Variants in PDK1 observed in about 807,000 individuals in gnomAD.
The protein encoded by PDK1 is pyruvate dehydrogenase kinase 1.
In PDK1, 39 loss-of-function variants were observed where a neutral mutation model predicts 54.2. That is an observed-to-expected ratio of 0.72 (90% confidence interval 0.56 to 0.94). PDK1 has a LOEUF of 0.94. Ranked by LOEUF, PDK1 falls within the 40% of genes least tolerant of loss-of-function variation. The pLI is 0.00. For missense variants in PDK1, 552 were observed against 566.0 expected, an observed-to-expected ratio of 0.98 and a Z score of 0.25; for synonymous variants, 221 against 207.1, an observed-to-expected ratio of 1.07 and a Z score of -0.58.
intron 8 of PDK1, among the ~76,000 whole-genome samples, chr2:172,576,527 C>T (rs1040478491): frequency 6.6e-6 from 1 of 150,938 alleles, no homozygotes; most frequent in African/African-American, 2.4e-5. Flanking sequence ...AATTTCCTTC[C>T]TTCTGCTTGC....
At chr2:172,614,696 C>G in the PDK1 span, among the ~76,000 whole-genome samples, 1 of 152,270 alleles carries the variant, frequency 6.6e-6, no homozygotes, top group East Asian at 1.9e-4. Context: ...CTGAGCTGTT[C>G]CAACACAATA....
At chr2:172,565,446 G>T (rs1688883736) in intron 5 of PDK1, among the ~76,000 whole-genome samples, 2 of 152,244 alleles carry the variant, frequency 1.3e-5, no homozygotes, top group South Asian at 4.2e-4. Flanking sequence ...CGGGATTACA[G>T]ATGCTCAACA....
chr2:172,694,180 G>T, the PDK1 span, among the ~76,000 whole-genome samples: 5 of 152,146 alleles, frequency 3.3e-5, no homozygotes, highest in Non-Finnish European at 7.3e-5. Context: ...GAGTAAAGAC[G>T]TTAGGATCCA....
chr2:172,622,769 G>GAT, the PDK1 span, among the ~76,000 whole-genome samples: 12 of 146,438 alleles, frequency 8.2e-5, no homozygotes, highest in Middle Eastern at 4.2e-3. Flanking sequence ...CATTATGTGA[G>GAT]ATGTTTATAT....
chr2:172,583,050 T>A (rs1323516113), intron 8 of PDK1, among the ~76,000 whole-genome samples: 1 of 152,170 alleles, frequency 6.6e-6, no homozygotes, highest in African/African-American at 2.4e-5. Flanking sequence ...CTTTTTATCT[T>A]AGTATCTATT....
chr2:172,704,219 G>A, the PDK1 span, among the ~76,000 whole-genome samples: 2 of 152,064 alleles, frequency 1.3e-5, no homozygotes, highest in African/African-American at 2.4e-5. Flanking sequence ...ACACTCCAAC[G>A]GCTCCTGGCA....
At chr2:172,557,771 G>A (rs1027837831) in intron 1 of PDK1, among the ~76,000 whole-genome samples, 2 of 151,136 alleles carry the variant, frequency 1.3e-5, no homozygotes, top group Admixed American at 6.6e-5. Context: ...CACCATGCCC[G>A]GACTGCACTT....
chr2:172,664,211 T>C, the PDK1 span, among the ~76,000 whole-genome samples: 6 of 143,616 alleles, frequency 4.2e-5, no homozygotes, highest in African/African-American at 1.6e-4. Flanking sequence ...CTCGGGAGGC[T>C]GAGGTGGGAG....
At chr2:172,642,283 G>T in the PDK1 span, among the ~76,000 whole-genome samples, 1 of 152,164 alleles carries the variant, frequency 6.6e-6, no homozygotes, top group African/African-American at 2.4e-5. Flanking sequence ...TGTGCAAATG[G>T]CTTACACTGT....
chr2:172,590,344 G>A (rs35999155), intron 9 of PDK1, among the ~76,000 whole-genome samples: 20,804 of 152,056 alleles, frequency 0.14, 1,606 homozygotes, highest in African/African-American at 0.19. Context: ...ATGAAGCTGC[G>A]GACCCTCATG....
chr2:172,703,529 C>T, the PDK1 span, among the ~76,000 whole-genome samples: 1 of 152,070 alleles, frequency 6.6e-6, no homozygotes, highest in Non-Finnish European at 1.5e-5. Context: ...AATCTGCTAT[C>T]ATAAGTAATT....
chr2:172,663,093 T>C, the PDK1 span, among the ~76,000 whole-genome samples: 2 of 152,224 alleles, frequency 1.3e-5, no homozygotes, highest in Non-Finnish European at 2.9e-5. Flanking sequence ...CAGAAATGTA[T>C]TTCCTCACCA....
the PDK1 span, among the ~76,000 whole-genome samples, chr2:172,616,368 C>T: frequency 2.0e-5 from 3 of 152,138 alleles, no homozygotes; most frequent in Non-Finnish European, 4.4e-5. Context: ...CGAAATACAG[C>T]AGTTAATGAA....
Position 172,561,604 on chromosome 2 carries a change from C to A in PDK1, c.339-616C>A, listed in dbSNP as rs144218296. ...GCAAGACCATCAGAAAATCATTTGG[C>A]CTTCTCTATTTTGCTCATTCCTTAA... On this transcript the variant is annotated intron_variant, in intron 2 of 10. Coordinates refer to ENST00000282077, the MANE Select transcript of PDK1 (RefSeq NM_002610.5). Among the ~76,000 whole-genome samples, 1,149 of 152,302 alleles carry A rather than the reference C, an allele frequency of 7.5e-3. 20 individuals carry two copies. The highest frequency in any genetic ancestry group is 0.026 in the African/African-American group (1,076 of 41,554).
chr2:172,638,625 G>A, the PDK1 span, among the ~76,000 whole-genome samples: 2 of 152,304 alleles, frequency 1.3e-5, no homozygotes, highest in East Asian at 3.9e-4. Flanking sequence ...TCTGGGTCGG[G>A]TGGGGACTTG....
the PDK1 span, among the ~76,000 whole-genome samples, chr2:172,719,073 A>G: frequency 6.6e-6 from 1 of 152,190 alleles, no homozygotes; most frequent in Non-Finnish European, 1.5e-5. Context: ...TTAGATCATT[A>G]TATAGCTCCT....
At chr2:172,558,927 C>G (rs1244730425) in intron 2 of PDK1, 78 bp downstream of exon 2, 1 of 1,334,814 alleles carries the variant, frequency 7.5e-7, no homozygotes, top group Non-Finnish European at 1.0e-6. Flanking sequence ...CTTTTTTTTA[C>G]TCTTTGGTGG....
the PDK1 span, among the ~76,000 whole-genome samples, chr2:172,692,929 G>A: frequency 6.6e-6 from 1 of 152,210 alleles, no homozygotes; most frequent in African/African-American, 2.4e-5. Flanking sequence ...ACCAGATTGG[G>A]TTGGTTCTGC....
intron 2 of PDK1, among the ~76,000 whole-genome samples, chr2:172,561,912 A>G (rs1688673824): frequency 6.6e-6 from 1 of 152,202 alleles, no homozygotes; most frequent in African/African-American, 2.4e-5. Flanking sequence ...TAATCAGTAT[A>G]TATACTGTAA....
Sources: gnomAD v4.1 joint callset for allele counts (sites outside exome capture counted in the v4.1 genomes callset) on GRCh38, gnomAD v4.1.1 for gene constraint, MANE v1.5 for transcripts, NCBI Gene and HGNC (gene_info 2026-07-23, HGNC 2026-07-21) for gene names.